The following KDM4C variants were observed in gnomAD, a reference collection of about 807,000 sequenced individuals.
The protein encoded by KDM4C is lysine demethylase 4C.
KDM4C carries 81 observed loss-of-function variants against 129.3 expected under a neutral mutation model. The ratio of observed to expected loss-of-function variants is 0.63; its 90% CI spans 0.52 to 0.75. The LOEUF is 0.75. Among genes scored for constraint, KDM4C ranks in the 30% least tolerant of loss-of-function variants. The probability of loss-of-function intolerance (pLI) is 0.00; values close to 1 mark genes in which losing one functional copy is unlikely to be tolerated. For missense variants in KDM4C, 1,457 were observed against 1,304.0 expected (o/e 1.12, Z -1.81); for synonymous variants, 573 against 456.1 (o/e 1.26, Z -3.26).
chr9:6,939,976 A>ACCTACCTACCTTCCTTCCTTCCTTCCTT (rs1458974643), intron 8 of KDM4C, among the ~76,000 whole-genome samples: 1 of 93,480 alleles, frequency 1.1e-5, no homozygotes. Context: ...CTACCTACCT[A>ACCTACCTACCTTCCTTCCTTCCTTCCTT]CCTTCCTTCC....
intron 15 of KDM4C, among the ~76,000 whole-genome samples, chr9:7,020,296 C>A (rs1281069198): frequency 6.6e-6 from 1 of 152,198 alleles, no homozygotes; most frequent in South Asian, 2.1e-4. Flanking sequence ...AACTGTCAAT[C>A]CTTGGATACA....
At chr9:6,794,527 A>G (rs1827352644) in intron 2 of KDM4C, among the ~76,000 whole-genome samples, 1 of 152,138 alleles carries the variant, frequency 6.6e-6, no homozygotes, top group African/African-American at 2.4e-5. Context: ...TTTTTGGGAC[A>G]TTATTTTGAA....
chr9:6,837,154 C>G (rs751471671), intron 4 of KDM4C, among the ~76,000 whole-genome samples: 11 of 152,090 alleles, frequency 7.2e-5, no homozygotes, highest in Non-Finnish European at 1.5e-4. Flanking sequence ...GATTCTTGGG[C>G]TCAAGTGATC....
chr9:7,103,315 T>A (rs772563789), intron 17 of KDM4C, among the ~76,000 whole-genome samples: 1 of 152,222 alleles, frequency 6.6e-6, no homozygotes, highest in African/African-American at 2.4e-5. Context: ...GAAAGACCTG[T>A]CATGCAGGAG....
In KDM4C at chr9:7,021,490, T is replaced by G. The variant is rs561791869; in HGVS notation, c.2259+5561T>G. Among the ~76,000 whole-genome samples the G allele has an allele frequency of 1.8e-4, 28 of 152,288 alleles. 1 individual carries two copies. Among genetic ancestry groups the G allele is most frequent in the Non-Finnish European group, 3.4e-4 (23 of 68,014 alleles). ...TTGAGGAAGTTCAATTCAGATCTTT[T>G]GCCCATTTTTTAATCAGATTATTAG... On this transcript the variant is annotated intron_variant, in intron 15 of 21. Coordinates refer to ENST00000381309, the MANE Select transcript of KDM4C (RefSeq NM_015061.6).
At position 6,875,522 on chromosome 9, in the gene KDM4C, A is replaced by T. The variant is rs1000935814; in HGVS notation, c.630-4490A>T. Among the ~76,000 whole-genome samples, 4 of 152,300 alleles carry T rather than the reference A, an allele frequency of 2.6e-5. No individual in the cohort carries two copies. The East Asian group carries it at 7.7e-4, about 29-fold the overall frequency. On this transcript the variant is annotated intron_variant, in intron 5 of 21. Transcript: ENST00000381309. ...ACTATGAAGTAATCTTAGAAATGTA[A>T]GTGGGTAATGATACTTATTTCAGAT... is the stretch of plus-strand genomic sequence containing the variant.
In KDM4C at chr9:6,849,077, A is replaced by T. The variant is rs546160381; in HGVS notation, c.436-430A>T. On this transcript the variant is annotated intron_variant, in intron 4 of 21. Coordinates refer to ENST00000381309, the MANE Select transcript of KDM4C (RefSeq NM_015061.6). ...TTCTTGATGTGATATGTGATGGTGA[A>T]TATTACCTCTAAACTAATGTGCAAA... Among the ~76,000 whole-genome samples the T allele has an allele frequency of 2.1e-4, 32 of 152,348 alleles. 2 individuals carry two copies. In the South Asian group the frequency reaches 6.4e-3, roughly 31 times the overall value.
chr9:6,960,620 G>A (rs1350327298), intron 8 of KDM4C, among the ~76,000 whole-genome samples: 2 of 152,182 alleles, frequency 1.3e-5, no homozygotes, highest in East Asian at 3.9e-4. Context: ...GTTCTTTAAA[G>A]AGTGTCGTAG....
At chr9:7,064,733 A>C (rs1402210410) in intron 17 of KDM4C, among the ~76,000 whole-genome samples, 2 of 152,284 alleles carry the variant, frequency 1.3e-5, no homozygotes, top group East Asian at 3.9e-4. Flanking sequence ...CTAGGGGGTT[A>C]GAATCTTACT....
chr9:7,052,893 G>GAGAGAGAGAC (rs1830363271), intron 17 of KDM4C, among the ~76,000 whole-genome samples: 1 of 149,362 alleles, frequency 6.7e-6, no homozygotes, highest in East Asian at 2.0e-4. Flanking sequence ...GAGAGAGAGA[G>GAGAGAGAGAC]AGAGAGAGCG....
intron 4 of KDM4C, among the ~76,000 whole-genome samples, chr9:6,830,789 C>T (rs1457977715): frequency 6.6e-6 from 1 of 152,184 alleles, no homozygotes; most frequent in Admixed American, 6.5e-5. Context: ...AAAAGGGAAA[C>T]TCAGTAGCAC....
At chr9:6,829,792 A>T (rs944889044) in intron 4 of KDM4C, among the ~76,000 whole-genome samples, 6 of 152,196 alleles carry the variant, frequency 3.9e-5, no homozygotes, top group African/African-American at 1.4e-4. Context: ...CTGCAGGTTT[A>T]CAGAAGGGCT....
At chr9:6,890,594 A>G (rs1845979982) in intron 7 of KDM4C, among the ~76,000 whole-genome samples, 1 of 152,072 alleles carries the variant, frequency 6.6e-6, no homozygotes, top group African/African-American at 2.4e-5. Context: ...ACAGGGGCCT[A>G]AAATTCAGAG....
intron 18 of KDM4C, among the ~76,000 whole-genome samples, chr9:7,108,918 C>T (rs1396059959): frequency 1.3e-5 from 2 of 152,120 alleles, no homozygotes; most frequent in Non-Finnish European, 2.9e-5. Flanking sequence ...AAATAAGAAT[C>T]AGTACACTTT....
intron 15 of KDM4C, among the ~76,000 whole-genome samples, chr9:7,018,249 G>A (rs532629254): frequency 2.7e-5 from 4 of 150,538 alleles, no homozygotes; most frequent in East Asian, 1.9e-4. Context: ...GTAAGTGTTC[G>A]TGTACCTAAA....
chr9:6,792,921 C>G, intron 1 of KDM4C, 51 bp from the exon 2 acceptor site: 1 of 1,573,444 alleles, frequency 6.4e-7, no homozygotes. Flanking sequence ...TTAAAAATGA[C>G]CTAAAGCATA....
At chr9:6,734,796 G>A in intron 1 of KDM4C, 3 of 409,262 alleles carry the variant, frequency 7.3e-6, no homozygotes, top group South Asian at 6.0e-5. Context: ...TGAAATGTTG[G>A]TAGATTCCTG....
chr9:6,775,973 C>G lies in KDM4C; in HGVS notation c.-17-16999C>G, dbSNP rs980997211. On this transcript the variant is annotated intron_variant, in intron 1 of 21. Coordinates refer to ENST00000381309, the MANE Select transcript of KDM4C (RefSeq NM_015061.6). ...AAATGTCTCCAGGCATTGCCAATGTCTCAAGGATACAAAATCACCCCTGGT... is the reference window on the plus strand; with the variant it reads ...AAATGTCTCCAGGCATTGCCAATGTGTCAAGGATACAAAATCACCCCTGGT... Among the ~76,000 whole-genome samples the G allele has an allele frequency of 4.6e-5, 7 of 152,292 alleles. No homozygotes were observed. The South Asian group carries it at 1.4e-3, about 32-fold the overall frequency.
chr9:6,822,700 C>G lies in KDM4C; in HGVS notation c.435+7955C>G, dbSNP rs573148410. Among the ~76,000 whole-genome samples the G allele has an allele frequency of 8.5e-5, 13 of 152,260 alleles. No individual in the cohort carries two copies. In the South Asian group the frequency reaches 2.7e-3, roughly 32 times the overall value. ...ACTCAGCCTTCTGTTAGACGCAGCA[C>G]AGGAGTTTCTTCGGGAAACAAAACA... On this transcript the variant is annotated intron_variant, in intron 4 of 21. Coordinates refer to ENST00000381309, the MANE Select transcript of KDM4C (RefSeq NM_015061.6).
Sources: allele counts gnomAD v4.1 joint callset (sites outside exome capture counted in the v4.1 genomes callset), GRCh38; gene constraint gnomAD v4.1.1; transcripts MANE v1.5; gene names NCBI Gene and HGNC (gene_info 2026-07-23, HGNC 2026-07-21).